Variants in TRIP4 observed in about 807,000 individuals in gnomAD.
TRIP4 encodes the protein thyroid hormone receptor interactor 4.
Under a neutral mutation model 81.8 loss-of-function variants are expected in TRIP4, and 54 were observed. That is an observed-to-expected ratio of 0.66 (90% CI 0.53 to 0.83). The LOEUF (loss-of-function observed/expected upper bound fraction) is 0.83. TRIP4 is among the 40% of genes least tolerant of loss of function. The probability of loss-of-function intolerance (pLI) is 0.00; values close to 1 mark genes in which losing one functional copy is unlikely to be tolerated. For missense variants in TRIP4, 662 were observed against 683.6 expected, an observed-to-expected ratio of 0.97 and a Z score of 0.35; for synonymous variants, 270 against 242.8, an observed-to-expected ratio of 1.11 and a Z score of -1.04.
intron 10 of TRIP4, among the ~76,000 whole-genome samples, chr15:64,424,585 T>C (rs1054645772): frequency 2.6e-5 from 4 of 152,194 alleles, no homozygotes; most frequent in African/African-American, 9.6e-5. Context: ...ACCCCAAGAA[T>C]ACTAACTTTG....
At chr15:64,440,355 C>T (rs1022186815) in intron 11 of TRIP4, among the ~76,000 whole-genome samples, 11 of 151,700 alleles carry the variant, frequency 7.3e-5, no homozygotes, top group Non-Finnish European at 1.3e-4. Context: ...ACTTTCAGAC[C>T]AGATATCCCT....
intron 11 of TRIP4, among the ~76,000 whole-genome samples, chr15:64,444,098 A>C (rs1892573468): frequency 6.6e-6 from 1 of 152,238 alleles, no homozygotes; most frequent in Non-Finnish European, 1.5e-5. Flanking sequence ...TAGAAGGCTT[A>C]TCTTAGCAGT....
intron 9 of TRIP4, 28 bp from the exon 10 acceptor site, chr15:64,424,003 C>A (rs1424455655): frequency 6.2e-7 from 1 of 1,611,996 alleles, no homozygotes; most frequent in Admixed American, 1.7e-5. Flanking sequence ...AATTTATATC[C>A]TTCCCACTAA....
At chr15:64,433,729 G>A (rs1892327849) in intron 11 of TRIP4, among the ~76,000 whole-genome samples, 1 of 152,232 alleles carries the variant, frequency 6.6e-6, no homozygotes, top group African/African-American at 2.4e-5. Flanking sequence ...TGGGAGCAAA[G>A]GCACAGAGGT....
At chr15:64,411,959 C>A (rs905394651) in intron 7 of TRIP4, among the ~76,000 whole-genome samples, 1 of 151,878 alleles carries the variant, frequency 6.6e-6, no homozygotes, top group Non-Finnish European at 1.5e-5. Flanking sequence ...GGGATACAGG[C>A]GTGAACCACT....
rs777849891 is a variant in TRIP4 at position 64,394,108 on chromosome 15, A to G, written c.264A>G (p.Lys88=). 5 of 1,592,900 alleles carry G rather than the reference A, an allele frequency of 3.1e-6. No individual in the cohort carries two copies. In the Admixed American group the frequency reaches 8.8e-5, roughly 28 times the overall value. Residue 88 remains lysine, a synonymous_variant, in exon 2 of 13, where the codon AAA becomes AAG. Transcript: ENST00000261884. The part of the protein sequence containing the change: ...LISDPLQQCF[K]KDEILDGQKS... ...CGGATCCTTTGCAGCAGTGCTTCAA[A>G]AAAGATGGTAAGTTAATGTAATTAT...
intron 6 of TRIP4, among the ~76,000 whole-genome samples, chr15:64,406,780 G>A (rs958406514): frequency 2.6e-5 from 4 of 152,192 alleles, no homozygotes; most frequent in African/African-American, 9.6e-5. Context: ...CTGTATTAGA[G>A]TACGTGTTAT....
At chr15:64,450,068 A>T (rs55944076) in intron 12 of TRIP4, among the ~76,000 whole-genome samples, 16,556 of 152,254 alleles carry the variant, frequency 0.11, 1,205 homozygotes, top group Middle Eastern at 0.17. Flanking sequence ...ATTGTATGTC[A>T]CTATGGTTCA....
chr15:64,404,647 A>G (rs1238000853), intron 5 of TRIP4, among the ~76,000 whole-genome samples: 2 of 152,008 alleles, frequency 1.3e-5, no homozygotes, highest in Non-Finnish European at 1.5e-5. Flanking sequence ...ACATGCCTCT[A>G]TGTTTTTTTC....
intron 7 of TRIP4, among the ~76,000 whole-genome samples, chr15:64,412,599 T>C (rs1891792294): frequency 6.6e-6 from 1 of 151,278 alleles, no homozygotes; most frequent in Non-Finnish European, 1.5e-5. Flanking sequence ...AACAATGTCT[T>C]CCCCACCTTT....
intron 11 of TRIP4, among the ~76,000 whole-genome samples, chr15:64,427,646 G>A (rs1339071395): frequency 2.6e-5 from 4 of 152,214 alleles, no homozygotes; most frequent in Admixed American, 2.6e-4. Flanking sequence ...GAAGTGCTTT[G>A]ATTATAGGTG....
chr15:64,447,992 C>G (rs563316127), intron 12 of TRIP4, among the ~76,000 whole-genome samples: 1 of 152,312 alleles, frequency 6.6e-6, no homozygotes, highest in South Asian at 2.1e-4. Flanking sequence ...AGCCACCACA[C>G]CTGGCCCTGT....
chr15:64,429,530 C>G (rs1359439044), intron 11 of TRIP4, among the ~76,000 whole-genome samples: 2 of 152,098 alleles, frequency 1.3e-5, no homozygotes, highest in East Asian at 3.9e-4. Context: ...TAGAACATCT[C>G]AGAGCCCTTA....
chr15:64,402,058 A>G (rs1891521968), intron 5 of TRIP4, among the ~76,000 whole-genome samples: 1 of 152,192 alleles, frequency 6.6e-6, no homozygotes, highest in African/African-American at 2.4e-5. Flanking sequence ...CTATAGTATT[A>G]TACCAATATT....
intron 11 of TRIP4, among the ~76,000 whole-genome samples, chr15:64,427,892 G>A (rs1892183719): frequency 6.6e-6 from 1 of 152,068 alleles, no homozygotes; most frequent in African/African-American, 2.4e-5. Context: ...ACACTCTTGT[G>A]CCTGCACTAT....
In TRIP4 at chr15:64,455,007, T is replaced by C. The variant is rs1188608251; in HGVS notation, c.1689T>C (p.Asp563=). 6.2e-7 allele frequency: 1 copy of C among 1,613,960 alleles called. No homozygotes were observed. Among genetic ancestry groups the C allele is most frequent in the Non-Finnish European group, 8.5e-7 (1 of 1,179,922 alleles). Residue 563 remains aspartate, a synonymous_variant, in exon 13 of 13, where the codon GAT becomes GAC. Coordinates refer to ENST00000261884, the MANE Select transcript of TRIP4 (RefSeq NM_016213.5). The stretch of plus-strand genomic sequence containing the variant: ...TTTTCTCCCTTACAGGGAAATTGGA[T>C]TCCAAGATCCATCAAGGAGCAAAGA... ...IKGNPKIWKL[D]SKIHQGAKKG...
Position 64,443,151 on chromosome 15 carries a change from G to T in TRIP4, c.1576-1855G>T, listed in dbSNP as rs146465881. Among the ~76,000 whole-genome samples the T allele has an allele frequency of 7.2e-5, 11 of 152,328 alleles. No homozygotes were observed. The East Asian group carries it at 2.1e-3, about 29-fold the overall frequency. On this transcript the variant is annotated intron_variant, in intron 11 of 12. Coordinates refer to ENST00000261884, the MANE Select transcript of TRIP4 (RefSeq NM_016213.5). ...AAGTAGGAGAGGAATTAAAGGCAGGGAGTACAGATAATCTTTTGATGAATT... is the reference window on the plus strand; with the variant it reads ...AAGTAGGAGAGGAATTAAAGGCAGGTAGTACAGATAATCTTTTGATGAATT...
intron 5 of TRIP4, among the ~76,000 whole-genome samples, chr15:64,405,066 A>G (rs1891592365): frequency 6.6e-6 from 1 of 152,196 alleles, no homozygotes; most frequent in Admixed American, 6.5e-5. Flanking sequence ...ATATGCTGTC[A>G]AAGAAGAAAA....
chr15:64,421,083 G>A lies in TRIP4; in HGVS notation c.1358+2355G>A, dbSNP rs534900049. ...CCAGCACTTTAGGAGGCCGAGGTGG[G>A]CGGATCACAAGGTCATGGTGAAACC... is the stretch of plus-strand genomic sequence containing the variant. On this transcript the variant is annotated intron_variant, in intron 9 of 12. Transcript: ENST00000261884. 8.0e-4 allele frequency among the ~76,000 whole-genome samples: 120 copies of A among 150,376 alleles called. 2 individuals are homozygous for A. Among genetic ancestry groups the A allele is most frequent in the Non-Finnish European group, 1.5e-3 (101 of 67,594 alleles).
Sources: allele counts gnomAD v4.1 joint callset (sites outside exome capture counted in the v4.1 genomes callset), GRCh38; gene constraint gnomAD v4.1.1; transcripts MANE v1.5; gene names NCBI Gene and HGNC (gene_info 2026-07-23, HGNC 2026-07-21).